Variants in ZFAND3 observed in about 807,000 individuals in gnomAD.
ZFAND3 encodes zinc finger AN1-type containing 3, also known as AN1-type zinc finger protein 3.
ZFAND3 carries 10 observed loss-of-function variants against 29.6 expected under a neutral mutation model. That is an observed-to-expected ratio of 0.34 (90% CI 0.21 to 0.57). The LOEUF is 0.57. Ranked by LOEUF, ZFAND3 falls within the 20% of genes least tolerant of loss-of-function variation. The probability of loss-of-function intolerance (pLI) is 0.86; values close to 1 mark genes in which losing one functional copy is unlikely to be tolerated. For synonymous variants in ZFAND3, 128 were observed against 112.6 expected (o/e 1.14, Z -0.87); for missense variants, 230 against 304.5 (o/e 0.76, Z 1.82).
At chr6:37,916,703 C>T (rs955082389) in intron 1 of ZFAND3, among the ~76,000 whole-genome samples, 9 of 152,256 alleles carry the variant, frequency 5.9e-5, no homozygotes, top group Middle Eastern at 3.4e-3. Flanking sequence ...TTACAGTGGT[C>T]TCCCTTTATC....
rs114775923 is a variant in ZFAND3, at chr6:37,919,422, C to T, written c.72-10537C>T. On this transcript the variant is annotated intron_variant, in intron 1 of 5. Coordinates refer to ENST00000287218, the MANE Select transcript of ZFAND3 (RefSeq NM_021943.3). ...TTTAAATTCTCCATGTCTGCACAGACATCAGACTTCAATATTTACCAAATT... is the reference window on the plus strand; with the variant it reads ...TTTAAATTCTCCATGTCTGCACAGATATCAGACTTCAATATTTACCAAATT... 1.2e-3 allele frequency among the ~76,000 whole-genome samples: 188 copies of T among 152,272 alleles called. 2 individuals are homozygous for T. Among genetic ancestry groups the T allele is most frequent in the African/African-American group, 4.2e-3 (175 of 41,550 alleles).
intron 1 of ZFAND3, among the ~76,000 whole-genome samples, chr6:37,928,402 A>G (rs1315949767): frequency 6.6e-6 from 1 of 152,236 alleles, no homozygotes; most frequent in Non-Finnish European, 1.5e-5. Flanking sequence ...CAGCTTGCCT[A>G]ACGTAGAGCA....
At chr6:37,961,674 A>G (rs1052401168) in intron 2 of ZFAND3, among the ~76,000 whole-genome samples, 5 of 152,318 alleles carry the variant, frequency 3.3e-5, no homozygotes, top group South Asian at 4.1e-4. Context: ...AAGAGATTCT[A>G]TTTGTTTGGG....
intron 2 of ZFAND3, among the ~76,000 whole-genome samples, chr6:38,028,656 T>C (rs2645114): frequency 0.012 from 1,888 of 152,282 alleles, 33 homozygotes; most frequent in African/African-American, 0.044. Flanking sequence ...AGAATCCACT[T>C]AACTCTCCTT....
intron 2 of ZFAND3, among the ~76,000 whole-genome samples, chr6:37,936,400 G>A (rs939032363): frequency 1.3e-5 from 2 of 152,174 alleles, no homozygotes; most frequent in Admixed American, 1.3e-4. Context: ...TTTAAGAAAT[G>A]GAAGGTTGTT....
At chr6:38,122,348 A>G (rs1449730958) in intron 5 of ZFAND3, among the ~76,000 whole-genome samples, 2 of 152,238 alleles carry the variant, frequency 1.3e-5, no homozygotes, top group East Asian at 1.9e-4. Context: ...TTTAGGGAAT[A>G]ATGACAAAAA....
At chr6:37,842,632 A>G (rs1380934740) in intron 1 of ZFAND3, among the ~76,000 whole-genome samples, 1 of 152,148 alleles carries the variant, frequency 6.6e-6, no homozygotes, top group East Asian at 1.9e-4. Context: ...TTATCAGCAA[A>G]CACCCTTACT....
chr6:37,828,174 A>G (rs1218582648), intron 1 of ZFAND3, among the ~76,000 whole-genome samples: 1 of 152,252 alleles, frequency 6.6e-6, no homozygotes, highest in East Asian at 1.9e-4. Context: ...CTGACCGTTC[A>G]AGAATATCAC....
At chr6:38,045,172 C>T (rs1461015187) in intron 2 of ZFAND3, among the ~76,000 whole-genome samples, 1 of 151,418 alleles carries the variant, frequency 6.6e-6, no homozygotes, top group Non-Finnish European at 1.5e-5. Flanking sequence ...ACTGCAACCT[C>T]CGCCTCCTGG....
chr6:37,934,216 T>C (rs1434878079), intron 2 of ZFAND3, among the ~76,000 whole-genome samples: 1 of 142,686 alleles, frequency 7.0e-6, no homozygotes, highest in Non-Finnish European at 1.5e-5. Context: ...GGAATCTGGC[T>C]CTGTAGCCCT....
intron 1 of ZFAND3, among the ~76,000 whole-genome samples, chr6:37,914,977 A>G (rs997584099): frequency 2.6e-5 from 4 of 152,122 alleles, no homozygotes; most frequent in Admixed American, 2.6e-4. Context: ...CTGTAGTATC[A>G]TTTTCTAGTA....
intron 5 of ZFAND3, among the ~76,000 whole-genome samples, chr6:38,146,300 C>G (rs9349056): frequency 0.056 from 8,534 of 152,258 alleles, 646 homozygotes; most frequent in East Asian, 0.38. Flanking sequence ...GGCCTCCTCA[C>G]TAGTCCTGCT....
intron 1 of ZFAND3, among the ~76,000 whole-genome samples, chr6:37,916,919 G>A (rs980573084): frequency 6.6e-6 from 1 of 152,114 alleles, no homozygotes; most frequent in African/African-American, 2.4e-5. Context: ...TACACTACCT[G>A]CCTGTTAGTA....
intron 3 of ZFAND3, among the ~76,000 whole-genome samples, chr6:38,068,469 C>T (rs1374120335): frequency 6.6e-6 from 1 of 152,004 alleles, no homozygotes; most frequent in African/African-American, 2.4e-5. Flanking sequence ...TTTGCAAAAC[C>T]CTGTTTTACA....
At chr6:37,848,567 T>C (rs1377066691) in intron 1 of ZFAND3, among the ~76,000 whole-genome samples, 2 of 152,262 alleles carry the variant, frequency 1.3e-5, no homozygotes, top group Non-Finnish European at 2.9e-5. Context: ...TTTGCTAACC[T>C]CTTTCTGGCT....
intron 2 of ZFAND3, among the ~76,000 whole-genome samples, chr6:37,944,922 G>A (rs989082803): frequency 2.0e-5 from 3 of 152,174 alleles, no homozygotes; most frequent in African/African-American, 7.2e-5. Flanking sequence ...TCCAGACAGG[G>A]TTTGGCTTCT....
At chr6:37,831,291 T>TA (rs1450838664) in intron 1 of ZFAND3, among the ~76,000 whole-genome samples, 1 of 152,236 alleles carries the variant, frequency 6.6e-6, no homozygotes, top group Non-Finnish European at 1.5e-5. Flanking sequence ...AGAACTATCT[T>TA]ACCTCATATG....
chr6:38,014,317 TA>T (rs1359967945), intron 2 of ZFAND3, among the ~76,000 whole-genome samples: 3 of 150,302 alleles, frequency 2.0e-5, no homozygotes, highest in Admixed American at 2.0e-4. Context: ...TTTACTTTAT[TA>T]TTATTATTAT....
chr6:37,906,787 G>A (rs1192398269), intron 1 of ZFAND3, among the ~76,000 whole-genome samples: 1 of 151,528 alleles, frequency 6.6e-6, no homozygotes, highest in Non-Finnish European at 1.5e-5. Flanking sequence ...GCTAATGACA[G>A]GCATCTTTAC....
Sources: gnomAD v4.1 joint callset for allele counts (sites outside exome capture counted in the v4.1 genomes callset) on GRCh38, gnomAD v4.1.1 for gene constraint, MANE v1.5 for transcripts, NCBI Gene and HGNC (gene_info 2026-07-23, HGNC 2026-07-21) for gene names.